Variants in LCOR observed in about 807,000 individuals in gnomAD.
LCOR encodes ligand dependent nuclear receptor corepressor, also known as ligand-dependent corepressor.
Under a neutral mutation model 64.4 loss-of-function variants are expected in LCOR, and 14 were observed. That is an observed-to-expected ratio of 0.22 (90% CI 0.14 to 0.34). LCOR has a LOEUF of 0.34. LCOR is among the 10% of genes least tolerant of loss of function. The pLI is 1.00. For synonymous variants in LCOR, 643 were observed against 642.5 expected (o/e 1.00, Z -0.01); for missense variants, 1,686 against 1,765.3 (o/e 0.96, Z 0.80).
intron 7 of LCOR, chr10:96,955,968 C>T: frequency 1.9e-6 from 3 of 1,561,036 alleles, no homozygotes; most frequent in Non-Finnish European, 2.6e-6. Flanking sequence ...GTGAGCACTA[C>T]TGCATCATTG....
rs529355602 is a variant in LCOR, at chr10:96,942,422, GGGAGACCGTGGAA to G, written c.-183-1678_-183-1666del. Among the ~76,000 whole-genome samples the G allele has an allele frequency of 4.0e-5, 6 of 151,784 alleles. No individual in the cohort carries two copies. The South Asian group carries it at 1.0e-3, about 26-fold the overall frequency. Reference sequence around the variant, plus strand: ...CGTCCAGCTTTGGCTCGGCATCAGAGGGAGACCGTGGAAGGAGACCGTGGAGAGAGGGAGAGGA... The same window carrying G: ...CGTCCAGCTTTGGCTCGGCATCAGAGGGAGACCGTGGAGAGAGGGAGAGGA... On this transcript the variant is annotated intron_variant, in intron 4 of 7. Coordinates refer to ENST00000421806, the MANE Select transcript of LCOR (RefSeq NM_001346516.2).
rs866773672 is a variant in LCOR, at chr10:96,919,055, A to G, written c.-184+11308A>G. Among the ~76,000 whole-genome samples, 3 of 152,336 alleles carry G rather than the reference A, an allele frequency of 2.0e-5. No homozygotes were observed. In the South Asian group the frequency reaches 6.2e-4, roughly 32 times the overall value. On this transcript the variant is annotated intron_variant, in intron 4 of 7. Transcript: ENST00000421806. Reference sequence around the variant, plus strand: ...ACAAAATCTTATTTTTGTATTTTATATTTTGTCAGTGTAAAAACCATGAGG... The same window carrying G: ...ACAAAATCTTATTTTTGTATTTTATGTTTTGTCAGTGTAAAAACCATGAGG...
chr10:96,914,674 T>C (rs1333774277), intron 4 of LCOR, among the ~76,000 whole-genome samples: 2 of 152,182 alleles, frequency 1.3e-5, no homozygotes, highest in East Asian at 3.8e-4. Flanking sequence ...CTACCAAAAA[T>C]CAGAAAGCCA....
intron 2 of LCOR, among the ~76,000 whole-genome samples, chr10:96,900,515 T>A (rs1339579420): frequency 6.6e-6 from 1 of 150,694 alleles, no homozygotes; most frequent in Non-Finnish European, 1.5e-5. Context: ...TCAAAGTAGG[T>A]TTTTAAAAGA....
At position 96,983,515 on chromosome 10, in the gene LCOR, G is replaced by A. The variant is rs1848114593; in HGVS notation, c.3055G>A (p.Gly1019Arg). The change falls in exon 8 of 8, where the codon GGA (glycine) becomes AGA (arginine). Residue 1019 changes from glycine (G) to arginine (R), a missense_variant. This residue lies in a region of LCOR where 1,293 missense variants were observed against 1,410.4 expected (regional missense o/e 0.92). Coordinates refer to ENST00000421806, the MANE Select transcript of LCOR (RefSeq NM_001346516.2). This position sits in a 1 kb window ranked among gnomAD's most constrained non-coding sequence, Gnocchi z 4.5. ...CAGCTCTCTTGGGTTGTCGAGTAGT[G>A]GAAGTGGTGATGCTGCTAGGGCACC... ...PCSSLGLSSS[G>R]SGDAARAPKS... 6.2e-7 allele frequency: 1 copy of A among 1,614,078 alleles called. No individual in the cohort carries two copies. The highest frequency in any genetic ancestry group is 8.5e-7 in the Non-Finnish European group (1 of 1,180,026).
chr10:96,937,031 AAG>A (rs1329422295), intron 4 of LCOR, among the ~76,000 whole-genome samples: 6 of 152,244 alleles, frequency 3.9e-5, no homozygotes, highest in Middle Eastern at 3.2e-3. Context: ...AACTGCAGAT[AAG>A]AGGGGACCAC....
chr10:96,873,390 T>C (rs895914511), intron 2 of LCOR, among the ~76,000 whole-genome samples: 1 of 152,160 alleles, frequency 6.6e-6, no homozygotes, highest in African/African-American at 2.4e-5. Flanking sequence ...AACATTTCTT[T>C]TCATCACTTT....
chr10:96,945,955 G>T (rs1018753879), intron 5 of LCOR, among the ~76,000 whole-genome samples: 2 of 151,086 alleles, frequency 1.3e-5, no homozygotes, highest in Non-Finnish European at 3.0e-5. Flanking sequence ...TAAACTTTTG[G>T]GTTATAACCT....
At chr10:96,955,816 A>G in intron 7 of LCOR, 1 of 1,614,214 alleles carries the variant, frequency 6.2e-7, no homozygotes, top group South Asian at 1.1e-5. Flanking sequence ...CCTCCAAAGA[A>G]AAAGATGAAA....
intron 2 of LCOR, among the ~76,000 whole-genome samples, chr10:96,833,775 A>C (rs1232821854): frequency 6.6e-6 from 1 of 152,184 alleles, no homozygotes. Context: ...CCTTCCCGAC[A>C]GGGTTTCGTT....
At chr10:96,915,627 A>C in intron 4 of LCOR, 4 of 879,034 alleles carry the variant, frequency 4.6e-6, no homozygotes, top group Middle Eastern at 3.4e-4. Context: ...AAATGCACAC[A>C]CTTCACTCGG....
intron 2 of LCOR, among the ~76,000 whole-genome samples, chr10:96,843,828 T>G (rs1845581540): frequency 6.6e-6 from 1 of 152,194 alleles, no homozygotes; most frequent in African/African-American, 2.4e-5. Context: ...GTTCATAAGT[T>G]TAAAGAAATA....
chr10:96,835,904 G>A (rs977450109), intron 2 of LCOR, among the ~76,000 whole-genome samples: 1 of 152,158 alleles, frequency 6.6e-6, no homozygotes, highest in Non-Finnish European at 1.5e-5. Flanking sequence ...TGGTTACCAG[G>A]TGATTATTAA....
chr10:96,861,916 A>ACTGACC lies in LCOR; in HGVS notation c.-330+28440_-330+28445dup, dbSNP rs1254696830. On this transcript the variant is annotated intron_variant, in intron 2 of 7. Coordinates refer to ENST00000421806, the MANE Select transcript of LCOR (RefSeq NM_001346516.2). ...CACATGTAAGGTCTCCATCTCTAAG[A>ACTGACC]CTGACCCTCCTCCTTCAGACAGCAA... 9.9e-5 allele frequency among the ~76,000 whole-genome samples: 15 copies of ACTGACC among 152,130 alleles called. 1 individual carries two copies. The highest frequency in any genetic ancestry group is 1.5e-5 in the Non-Finnish European group (1 of 68,018).
At chr10:96,937,889 T>C (rs1220579479) in intron 4 of LCOR, among the ~76,000 whole-genome samples, 2 of 152,258 alleles carry the variant, frequency 1.3e-5, no homozygotes, top group African/African-American at 4.8e-5. Flanking sequence ...AAAAGTGTTA[T>C]ACACCACAAC....
chr10:96,995,188 G>C lies in LCOR; in HGVS notation c.*10054G>C, dbSNP rs1184281793. 2.0e-5 allele frequency: 3 copies of C among 152,220 alleles called. No homozygotes were observed. The highest frequency in any genetic ancestry group is 7.2e-5 in the African/African-American group (3 of 41,432). The allele number at this position is 152,220 out of a possible 1,614,324, so 9.4% of individuals were successfully genotyped here. A position where few individuals can be genotyped will look rare whatever the true frequency, so the allele number is the denominator to read the frequency against. ...CTACCGTTCCTTTAAAGGTCTTTCTGGTTCCTCCCAGTGTTGTCATTGCTG... is the reference window on the plus strand; with the variant it reads ...CTACCGTTCCTTTAAAGGTCTTTCTCGTTCCTCCCAGTGTTGTCATTGCTG... On this transcript the variant is annotated 3_prime_UTR_variant, in exon 8 of 8. Coordinates refer to ENST00000421806, the MANE Select transcript of LCOR (RefSeq NM_001346516.2). The surrounding 1 kb of genome is among the most constrained non-coding windows in gnomAD (Gnocchi z 4.2).
chr10:96,839,275 T>C (rs945889093), intron 2 of LCOR, among the ~76,000 whole-genome samples: 1 of 152,210 alleles, frequency 6.6e-6, no homozygotes, highest in Non-Finnish European at 1.5e-5. Flanking sequence ...GTGTATGCTT[T>C]GCAGATATTT....
intron 2 of LCOR, among the ~76,000 whole-genome samples, chr10:96,851,383 GT>G (rs1344794853): frequency 6.6e-6 from 1 of 152,232 alleles, no homozygotes; most frequent in Non-Finnish European, 1.5e-5. Flanking sequence ...ACTAGCAGCA[GT>G]GAACAGAGAT....
intron 2 of LCOR, among the ~76,000 whole-genome samples, chr10:96,876,487 AAATT>A (rs1473105072): frequency 2.0e-5 from 3 of 152,244 alleles, no homozygotes; most frequent in Non-Finnish European, 4.4e-5. Context: ...GTTTATATAA[AAATT>A]AAATACTTTA....
Sources: gnomAD v4.1 joint callset for allele counts (sites outside exome capture counted in the v4.1 genomes callset) on GRCh38, gnomAD v4.1.1 for gene constraint, gnomAD v4.1.1 regional missense constraint, Gnocchi (gnomAD v3.1) non-coding constraint, MANE v1.5 for transcripts, NCBI Gene and HGNC (gene_info 2026-07-23, HGNC 2026-07-21) for gene names.